ALKAL1: variants seen among roughly 807,000 people sequenced by gnomAD.
The protein encoded by ALKAL1 is AUG-beta.
Under a neutral mutation model 13.5 loss-of-function variants are expected in ALKAL1, and 23 were observed. That is an observed-to-expected ratio of 1.70 (90% CI 1.23 to 2.41). ALKAL1 has a LOEUF of 2.41. Ranked by LOEUF, ALKAL1 falls within the 30% of genes most tolerant of loss-of-function variation. The pLI, the probability that ALKAL1 is intolerant of heterozygous loss-of-function variation, is 0.00. For synonymous variants in ALKAL1, 85 were observed against 77.7 expected (o/e 1.09, Z -0.49); for missense variants, 181 against 178.4 (o/e 1.01, Z -0.08).
intron 1 of ALKAL1, among the ~76,000 whole-genome samples, chr8:52,557,966 GA>G (rs33973509): frequency 0.26 from 29,219 of 114,004 alleles, 3,470 homozygotes; most frequent in East Asian, 0.63. Flanking sequence ...GACTATGTCT[GA>G]AAAAAAAAAA....
intron 1 of ALKAL1, among the ~76,000 whole-genome samples, chr8:52,562,804 T>A (rs1044350626): frequency 1.3e-5 from 2 of 152,146 alleles, no homozygotes; most frequent in African/African-American, 4.8e-5. Flanking sequence ...TGAGAGTCCT[T>A]GGCCTCCCGG....
At chr8:52,539,151 A>G (rs1847290013) in intron 3 of ALKAL1, among the ~76,000 whole-genome samples, 1 of 152,194 alleles carries the variant, frequency 6.6e-6, no homozygotes. Flanking sequence ...CATGCTGAGT[A>G]AAAGTCAATA....
intron 1 of ALKAL1, among the ~76,000 whole-genome samples, chr8:52,551,797 A>G (rs75681214): frequency 1.3e-5 from 2 of 152,252 alleles, no homozygotes; most frequent in Non-Finnish European, 2.9e-5. Context: ...CTAAAACCCA[A>G]AGTTTTGGAA....
intron 1 of ALKAL1, among the ~76,000 whole-genome samples, chr8:52,548,789 G>C (rs935923457): frequency 2.0e-5 from 3 of 151,976 alleles, no homozygotes; most frequent in African/African-American, 7.2e-5. Flanking sequence ...ATTTGTAAAA[G>C]TTTCTAGTTT....
intron 1 of ALKAL1, among the ~76,000 whole-genome samples, chr8:52,556,002 T>C (rs565202990): frequency 6.6e-6 from 1 of 152,326 alleles, no homozygotes; most frequent in African/African-American, 2.4e-5. Flanking sequence ...CTGCATGGAA[T>C]GGTGATCTAG....
chr8:52,558,885 G>A (rs544592094), intron 1 of ALKAL1, among the ~76,000 whole-genome samples: 53 of 152,290 alleles, frequency 3.5e-4, no homozygotes, highest in African/African-American at 1.3e-3. Flanking sequence ...TAATTCTGGT[G>A]ACTGGAAAGC....
At chr8:52,556,386 G>A (rs576984596) in intron 1 of ALKAL1, among the ~76,000 whole-genome samples, 16 of 152,194 alleles carry the variant, frequency 1.1e-4, no homozygotes, top group Admixed American at 2.6e-4. Flanking sequence ...GGTGGCTCAC[G>A]CCTGTAATCC....
At chr8:52,542,150 G>C (rs1234153943) in intron 2 of ALKAL1, among the ~76,000 whole-genome samples, 2 of 152,138 alleles carry the variant, frequency 1.3e-5, no homozygotes, top group Admixed American at 1.3e-4. Context: ...AGCCGTTCTT[G>C]GTAGTTCTTG....
intron 1 of ALKAL1, among the ~76,000 whole-genome samples, chr8:52,546,308 C>T (rs1373310473): frequency 6.6e-6 from 1 of 152,180 alleles, no homozygotes. Context: ...CCAGTGGCTG[C>T]TTTTTCACTA....
intron 1 of ALKAL1, among the ~76,000 whole-genome samples, chr8:52,549,567 T>C (rs574532222): frequency 1.3e-5 from 2 of 152,120 alleles, no homozygotes; most frequent in South Asian, 2.1e-4. Context: ...ACCAGTTGTA[T>C]TGAAAAAGGG....
At chr8:52,550,484 A>G (rs1847418838) in intron 1 of ALKAL1, among the ~76,000 whole-genome samples, 2 of 152,244 alleles carry the variant, frequency 1.3e-5, no homozygotes, top group Non-Finnish European at 2.9e-5. Context: ...CATATGGAAT[A>G]AGTACAGACG....
intron 3 of ALKAL1, among the ~76,000 whole-genome samples, chr8:52,539,034 C>T (rs558113292): frequency 2.8e-4 from 42 of 152,154 alleles, no homozygotes; most frequent in Admixed American, 4.6e-4. Context: ...TCAAGCGATC[C>T]GCTTGCCTCG....
At chr8:52,556,601 C>T (rs545665591) in intron 1 of ALKAL1, among the ~76,000 whole-genome samples, 76 of 134,972 alleles carry the variant, frequency 5.6e-4, no homozygotes, top group African/African-American at 2.0e-3. Context: ...GAGTCGAGAT[C>T]GCGCCACTGC....
chr8:52,540,887 C>T (rs1227422548), intron 2 of ALKAL1, among the ~76,000 whole-genome samples: 1 of 152,152 alleles, frequency 6.6e-6, no homozygotes, highest in Non-Finnish European at 1.5e-5. Context: ...AGGTGCATCT[C>T]CACTTGATCC....
intron 4 of ALKAL1, among the ~76,000 whole-genome samples, chr8:52,537,099 T>C (rs986017388): frequency 1.3e-5 from 2 of 152,034 alleles, no homozygotes; most frequent in African/African-American, 4.8e-5. Context: ...GGGACTAATA[T>C]CCAGAGTATA....
At chr8:52,556,119 A>G (rs938521113) in intron 1 of ALKAL1, among the ~76,000 whole-genome samples, 1 of 152,174 alleles carries the variant, frequency 6.6e-6, no homozygotes, top group Non-Finnish European at 1.5e-5. Context: ...CTTTTTCTAC[A>G]TACAGCATGT....
At chr8:52,553,875 T>G (rs1847453662) in intron 1 of ALKAL1, among the ~76,000 whole-genome samples, 1 of 152,198 alleles carries the variant, frequency 6.6e-6, no homozygotes, top group Non-Finnish European at 1.5e-5. Flanking sequence ...CCCTTCCAGA[T>G]TTAAAATTAT....
rs564504124 is a variant in ALKAL1 at position 52,544,866 on chromosome 8, T to C, written c.191-2421A>G. On this transcript the variant is annotated intron_variant, in intron 1 of 4. Coordinates refer to ENST00000358543, the MANE Select transcript of ALKAL1 (RefSeq NM_207413.4). Reference sequence around the variant, plus strand: ...AATTATGCTGCATACTCTAAAGACATACAATAAAAATAAACAAAATTATAT... The same window carrying C: ...AATTATGCTGCATACTCTAAAGACACACAATAAAAATAAACAAAATTATAT... Among the ~76,000 whole-genome samples the C allele has an allele frequency of 1.1e-4, 16 of 152,282 alleles. 1 individual carries two copies. The South Asian group carries it at 3.3e-3, about 32-fold the overall frequency.
intron 1 of ALKAL1, among the ~76,000 whole-genome samples, chr8:52,549,792 A>C (rs1385726869): frequency 6.6e-6 from 1 of 152,014 alleles, no homozygotes; most frequent in African/African-American, 2.4e-5. Context: ...AAATATAAAA[A>C]TTAGTCAGGC....
Sources: gnomAD v4.1 joint callset for allele counts (sites outside exome capture counted in the v4.1 genomes callset) on GRCh38, gnomAD v4.1.1 for gene constraint, MANE v1.5 for transcripts, NCBI Gene and HGNC (gene_info 2026-07-23, HGNC 2026-07-21) for gene names.